The following VPS13B variants were observed in gnomAD, a reference collection of about 807,000 sequenced individuals.
The protein encoded by VPS13B is intermembrane lipid transfer protein VPS13B.
A neutral mutation model predicts 426.4 loss-of-function variants in VPS13B; 285 were observed. The observed-to-expected ratio is 0.67, with a 90% CI of 0.61 to 0.74. VPS13B has a LOEUF of 0.74. VPS13B is among the 30% of genes least tolerant of loss of function. The pLI is 0.00. For missense variants in VPS13B, 4,537 were observed against 4,782.6 expected (o/e 0.95, Z 1.51); for synonymous variants, 1,676 against 1,676.4 (o/e 1.00, Z 0.01).
chr8:99,628,575 A>G (rs1211664883), intron 33 of VPS13B, among the ~76,000 whole-genome samples: 1 of 152,182 alleles, frequency 6.6e-6, no homozygotes, highest in African/African-American at 2.4e-5. Context: ...ATTAGTCCCT[A>G]CAATTAAGGA....
chr8:99,396,971 T>C (rs1419899009), intron 21 of VPS13B, among the ~76,000 whole-genome samples: 1 of 151,934 alleles, frequency 6.6e-6, no homozygotes, highest in East Asian at 1.9e-4. Context: ...ATATGGAAAA[T>C]CTATCTTTTA....
At chr8:99,555,727 C>T (rs891550298) in intron 30 of VPS13B, among the ~76,000 whole-genome samples, 2 of 152,112 alleles carry the variant, frequency 1.3e-5, no homozygotes, top group Admixed American at 1.3e-4. Context: ...TATGTATTTA[C>T]TTCCTTTAAT....
chr8:99,444,235 A>T (rs761844422), intron 23 of VPS13B, among the ~76,000 whole-genome samples: 13 of 151,970 alleles, frequency 8.6e-5, no homozygotes, highest in Non-Finnish European at 1.2e-4. Context: ...AGCAGCTGGG[A>T]CTACAGGCAC....
chr8:99,042,995 T>C (rs1843043280), intron 3 of VPS13B, among the ~76,000 whole-genome samples: 1 of 152,194 alleles, frequency 6.6e-6, no homozygotes, highest in Non-Finnish European at 1.5e-5. Context: ...GAATGTCTAA[T>C]TCTGATGAAG....
chr8:99,064,637 G>A (rs1488922066), intron 3 of VPS13B, among the ~76,000 whole-genome samples: 1 of 152,216 alleles, frequency 6.6e-6, no homozygotes, highest in Non-Finnish European at 1.5e-5. Flanking sequence ...TTTGATTAGT[G>A]TACCTGAAAG....
chr8:99,392,929 T>G (rs1460108078), intron 21 of VPS13B, among the ~76,000 whole-genome samples: 1 of 152,110 alleles, frequency 6.6e-6, no homozygotes, highest in Non-Finnish European at 1.5e-5. Flanking sequence ...GTTTTGATTA[T>G]AAAATTAAAT....
intron 23 of VPS13B, among the ~76,000 whole-genome samples, chr8:99,446,451 A>G (rs1011283117): frequency 5.3e-5 from 8 of 151,976 alleles, no homozygotes; most frequent in African/African-American, 1.9e-4. Flanking sequence ...TTAATATTCG[A>G]ATCTTATGAG....
intron 39 of VPS13B, among the ~76,000 whole-genome samples, chr8:99,740,601 C>A (rs915369167): frequency 1.3e-5 from 2 of 152,186 alleles, no homozygotes; most frequent in African/African-American, 2.4e-5. Flanking sequence ...CAAAGGGAAA[C>A]CCATCATGCT....
rs1474692623 is a variant in VPS13B, at chr8:99,396,365, CTT to C, written c.3082+4665_3082+4666del. ...AAAGTTAAAAAGATATTTATTGAGA[CTT>C]TTTAAAAATTGAAATTGCCAGACTA... On this transcript the variant is annotated intron_variant, in intron 21 of 61. Transcript: ENST00000357162. Among the ~76,000 whole-genome samples, 3 of 151,936 alleles carry C rather than the reference CTT, an allele frequency of 2.0e-5. No individual in the cohort carries two copies. The East Asian group carries it at 5.8e-4, about 29-fold the overall frequency.
rs941363690 is a variant in VPS13B at position 99,198,344 on chromosome 8, G to GT, written c.2515+5295dup. 1.3e-4 allele frequency among the ~76,000 whole-genome samples: 20 copies of GT among 151,560 alleles called. No individual in the cohort carries two copies. The South Asian group carries it at 1.5e-3, about 11-fold the overall frequency. Reference sequence around the variant, plus strand: ...TGGTTTATTGTCTCACAATATTAATGTTTTTTTTAAATTTTAAACTTTTAT... The same window carrying GT: ...TGGTTTATTGTCTCACAATATTAATGTTTTTTTTTAAATTTTAAACTTTTAT... On this transcript the variant is annotated intron_variant, in intron 17 of 61. Coordinates refer to ENST00000357162, the MANE Select transcript of VPS13B (RefSeq NM_152564.5).
At chr8:99,720,670 T>A in intron 38 of VPS13B, 118 bp downstream of exon 38, 2 of 1,221,374 alleles carry the variant, frequency 1.6e-6, no homozygotes, top group Non-Finnish European at 2.4e-6. Flanking sequence ...AAATTTGCAG[T>A]ACAAAAATAG....
At chr8:99,670,580 C>A (rs1830674014) in intron 35 of VPS13B, among the ~76,000 whole-genome samples, 1 of 151,964 alleles carries the variant, frequency 6.6e-6, no homozygotes, top group Non-Finnish European at 1.5e-5. Context: ...ATTAGATCTC[C>A]AGAGCTTATA....
chr8:99,437,252 T>G (rs539117147), intron 22 of VPS13B, among the ~76,000 whole-genome samples: 194 of 152,240 alleles, frequency 1.3e-3, no homozygotes, highest in Non-Finnish European at 1.8e-3. Flanking sequence ...ATATTATTTT[T>G]TACTTAGAAT....
intron 43 of VPS13B, among the ~76,000 whole-genome samples, chr8:99,797,905 CT>C (rs1812934181): frequency 6.6e-6 from 1 of 152,142 alleles, no homozygotes; most frequent in African/African-American, 2.4e-5. Context: ...CTTTCTCTAA[CT>C]GTGGAAATAG....
chr8:99,742,437 T>A (rs1026944234), intron 39 of VPS13B, among the ~76,000 whole-genome samples: 7 of 152,072 alleles, frequency 4.6e-5, no homozygotes, highest in Non-Finnish European at 4.4e-5. Context: ...ACTATTCCAA[T>A]CAATAGAAAA....
At chr8:99,216,508 G>A (rs1247771572) in intron 17 of VPS13B, among the ~76,000 whole-genome samples, 1 of 151,902 alleles carries the variant, frequency 6.6e-6, no homozygotes, top group African/African-American at 2.4e-5. Flanking sequence ...ATGAATGAAT[G>A]AATGAATGAA....
At chr8:99,718,778 C>T (rs995423655) in intron 37 of VPS13B, among the ~76,000 whole-genome samples, 2 of 151,652 alleles carry the variant, frequency 1.3e-5, no homozygotes, top group Admixed American at 6.6e-5. Context: ...GAGATCCTCC[C>T]ACCTCAGCCT....
At chr8:99,100,479 G>A (rs1292683941) in intron 4 of VPS13B, among the ~76,000 whole-genome samples, 1 of 151,890 alleles carries the variant, frequency 6.6e-6, no homozygotes, top group Non-Finnish European at 1.5e-5. Flanking sequence ...TTGTAGAGAC[G>A]GGGTTTTACC....
At chr8:99,028,804 A>C (rs1374212899) in intron 2 of VPS13B, among the ~76,000 whole-genome samples, 7 of 86,394 alleles carry the variant, frequency 8.1e-5, no homozygotes, top group East Asian at 4.2e-4. Context: ...CGGGCAGAGG[A>C]GCCCCTCACC....
Sources: allele counts gnomAD v4.1 joint callset (sites outside exome capture counted in the v4.1 genomes callset), GRCh38; gene constraint gnomAD v4.1.1; transcripts MANE v1.5; gene names NCBI Gene and HGNC (gene_info 2026-07-23, HGNC 2026-07-21).